Variants in TRAP1 observed in about 807,000 individuals in gnomAD.
TRAP1 encodes heat shock protein 75 kDa, mitochondrial.
TRAP1 carries 102 observed loss-of-function variants against 89.1 expected under a neutral mutation model. The observed-to-expected ratio is 1.15, with a 90% confidence interval of 0.98 to 1.35. The LOEUF is 1.35. Among genes scored for constraint, TRAP1 ranks in the 40% most tolerant of loss-of-function variants. The pLI is 0.00. For missense variants in TRAP1, 1,256 were observed against 945.3 expected (o/e 1.33, Z -4.31); for synonymous variants, 508 against 388.0 (o/e 1.31, Z -3.64).
At chr16:3,697,017 C>A (rs573468366) in intron 1 of TRAP1, among the ~76,000 whole-genome samples, 1 of 152,174 alleles carries the variant, frequency 6.6e-6, no homozygotes, top group Non-Finnish European at 1.5e-5. Flanking sequence ...TAAGACACCA[C>A]GCCCAGCCTA....
At chr16:3,672,666 C>G in intron 10 of TRAP1, 34 bp downstream of exon 10, 1 of 1,589,542 alleles carries the variant, frequency 6.3e-7, no homozygotes, top group Non-Finnish European at 8.6e-7. Context: ...CACTGGGCCA[C>G]GGGGGCACTG....
At chr16:3,686,499 T>G (rs973473180) in intron 3 of TRAP1, among the ~76,000 whole-genome samples, 1 of 152,162 alleles carries the variant, frequency 6.6e-6, no homozygotes. Flanking sequence ...AAAATTTTTA[T>G]AGACACAGGG....
intron 1 of TRAP1, among the ~76,000 whole-genome samples, chr16:3,699,234 G>A (rs554701113): frequency 9.9e-5 from 15 of 152,268 alleles, no homozygotes; most frequent in African/African-American, 3.1e-4. Context: ...TTGCTGCAGG[G>A]CCTGGCTGCA....
At chr16:3,668,163 C>G (rs921657541) in intron 11 of TRAP1, among the ~76,000 whole-genome samples, 1 of 151,972 alleles carries the variant, frequency 6.6e-6, no homozygotes, top group Non-Finnish European at 1.5e-5. Flanking sequence ...ACCTCGTGAT[C>G]CACCCGCCTC....
At chr16:3,689,019 T>C in intron 3 of TRAP1, 36 bp downstream of exon 3, 1 of 1,565,928 alleles carries the variant, frequency 6.4e-7, no homozygotes, top group Non-Finnish European at 8.7e-7. Flanking sequence ...GAAAAGAAAC[T>C]TTGCTAGCAT....
intron 1 of TRAP1, among the ~76,000 whole-genome samples, chr16:3,694,437 G>A (rs1441371046): frequency 1.3e-5 from 2 of 151,914 alleles, no homozygotes; most frequent in Non-Finnish European, 2.9e-5. Flanking sequence ...TCTGCCTCCT[G>A]GGTTCAGGCG....
intron 14 of TRAP1, 26 bp from the exon 15 acceptor site, chr16:3,662,993 C>T (rs201686158): frequency 1.3e-6 from 2 of 1,562,394 alleles, no homozygotes; most frequent in Non-Finnish European, 8.6e-7. Flanking sequence ...CGACAGGGAG[C>T]TCAGGCCTGC....
At chr16:3,679,428 A>G (rs1015270559) in intron 5 of TRAP1, among the ~76,000 whole-genome samples, 3 of 152,218 alleles carry the variant, frequency 2.0e-5, no homozygotes, top group Non-Finnish European at 2.9e-5. Context: ...GACCATCTAA[A>G]GCATACAAGA....
At chr16:3,674,569 C>A in intron 8 of TRAP1, 75 bp from the exon 9 acceptor site, 1 of 1,546,060 alleles carries the variant, frequency 6.5e-7, no homozygotes, top group Admixed American at 1.8e-5. Flanking sequence ...AGGCCTGAGC[C>A]AGTGCAGCGC....
At chr16:3,675,948 G>T in intron 7 of TRAP1, 88 bp downstream of exon 7, 1 of 1,202,062 alleles carries the variant, frequency 8.3e-7, no homozygotes, top group Non-Finnish European at 1.2e-6. Context: ...CTACGTGCAG[G>T]TAGAACCAGG....
rs766471666 is a variant in TRAP1 at position 3,677,515 on chromosome 16, G to GT, written c.686dup (p.Tyr229Ter). 1 of 1,614,060 alleles carries GT rather than the reference G, an allele frequency of 6.2e-7. No individual in the cohort carries two copies. Among genetic ancestry groups the GT allele is most frequent in the African/African-American group, 1.3e-5 (1 of 74,930 alleles). ...TCACTCACCCATCTGAAAGCCACTG[G>GT]TAACCCAGGCTCCCCGGGGCTGCCG... is the stretch of plus-strand genomic sequence containing the variant. The part of the protein sequence containing the change: ...SRSAAPGSLG[Y>*]QWLSDGSGVF... The change falls in exon 6 of 18, where the codon TAC (tyrosine) becomes TAAC (stop). Residue 229 changes from tyrosine (Y) to a stop codon, truncating the protein, a stop_gained and frameshift_variant. Transcript: ENST00000246957. LOFTEE classifies it high-confidence loss of function.
At chr16:3,681,547 T>C (rs773130260) in intron 4 of TRAP1, among the ~76,000 whole-genome samples, 2 of 152,224 alleles carry the variant, frequency 1.3e-5, no homozygotes, top group Non-Finnish European at 2.9e-5. Flanking sequence ...CAATTATTTC[T>C]GAGGTGCCGG....
At chr16:3,663,699 G>A in intron 13 of TRAP1, 137 bp from the exon 14 acceptor site, 4 of 1,097,348 alleles carry the variant, frequency 3.6e-6, no homozygotes, top group Non-Finnish European at 5.1e-6. Flanking sequence ...GGGTTCCTAG[G>A]CCTGCATGAC....
At position 3,710,879 on chromosome 16, in the gene TRAP1, A is replaced by ATATTTTTTTT. The variant is rs71133652; in HGVS notation, c.88+6541_88+6542insAAAAAAAATA. On this transcript the variant is annotated intron_variant, in intron 1 of 17. Transcript: ENST00000246957. ...TGTGTATATATATATATATATATAT[A>ATATTTTTTTT]TTTTTTTTTTTGAGACACTGTCACT... Among the ~76,000 whole-genome samples the ATATTTTTTTT allele has an allele frequency of 1.2e-3, 153 of 125,772 alleles. 1 individual carries two copies. The highest frequency in any genetic ancestry group is 4.4e-3 in the African/African-American group (135 of 30,560). 82.5% of individuals were successfully genotyped at this position (125,772 alleles called of 152,430 possible). A position where few individuals can be genotyped will look rare whatever the true frequency, so the allele number is the denominator to read the frequency against.
intron 2 of TRAP1, among the ~76,000 whole-genome samples, 165 bp downstream of exon 2, chr16:3,690,662 G>A (rs761110984): frequency 5.3e-5 from 8 of 152,170 alleles, no homozygotes; most frequent in Non-Finnish European, 1.0e-4. Flanking sequence ...GAAGTCCCTC[G>A]CTGGGACAGA....
chr16:3,715,715 G>A (rs1567250580), intron 1 of TRAP1, among the ~76,000 whole-genome samples: 1 of 152,118 alleles, frequency 6.6e-6, no homozygotes, highest in Non-Finnish European at 1.5e-5. Context: ...TGGAGGGCAA[G>A]GCAGGCAGAT....
chr16:3,675,448 C>T lies in TRAP1; in HGVS notation c.815-51G>A, dbSNP rs370482070. 1.4e-4 allele frequency: 215 copies of T among 1,587,572 alleles called. No homozygotes were observed. In the African/African-American group the frequency reaches 2.3e-3, roughly 17 times the overall value. On this transcript the variant is annotated intron_variant, in intron 7 of 17. Coordinates refer to ENST00000246957, the MANE Select transcript of TRAP1 (RefSeq NM_016292.3). ...ACTGCATCTACAATGCTTGTGGAAA[C>T]GCAAGCTTTGCAGCAGCTCCAGGAT...
In TRAP1 at chr16:3,664,423, C is replaced by G; in HGVS notation, c.1420G>C (p.Ala474Pro). 1 of 1,612,346 alleles carries G rather than the reference C, an allele frequency of 6.2e-7. No homozygotes were observed. The highest frequency in any genetic ancestry group is 1.1e-5 in the South Asian group (1 of 90,782). Reference sequence around the variant, plus strand: ...CTGGTTAGCTGCCCGGAGGGCAGCGCCGAGGACTCGTAGCGCAGCAGCTTT... The same window carrying G: ...CTGGTTAGCTGCCCGGAGGGCAGCGGCGAGGACTCGTAGCGCAGCAGCTTT... Reference protein sequence around the residue: ...IAKLLRYESSALPSGQLTSLS... With the variant: ...IAKLLRYESSPLPSGQLTSLS... The change falls in exon 13 of 18, where the codon GCG (alanine) becomes CCG (proline). Residue 474 changes from alanine (A) to proline (P), a missense_variant. Physicochemically the swap from Ala to Pro is conservative, Grantham distance 27. Transcript: ENST00000246957.
chr16:3,665,908 G>A, intron 12 of TRAP1, 63 bp downstream of exon 12: 1 of 1,565,590 alleles, frequency 6.4e-7, no homozygotes, highest in Non-Finnish European at 8.6e-7. Context: ...ACCTCCACCA[G>A]CTTCCTCAGC....
Sources: allele counts gnomAD v4.1 joint callset (sites outside exome capture counted in the v4.1 genomes callset), GRCh38; gene constraint gnomAD v4.1.1; transcripts MANE v1.5; gene names NCBI Gene and HGNC (gene_info 2026-07-23, HGNC 2026-07-21).